SCN2A: variants seen among roughly 807,000 people sequenced by gnomAD.
SCN2A encodes sodium channel protein type 2 subunit alpha.
Under a neutral mutation model 188.7 loss-of-function variants are expected in SCN2A, and 20 were observed. The observed-to-expected ratio is 0.11, with a 90% confidence interval of 0.07 to 0.15. The LOEUF is 0.15. Among genes scored for constraint, SCN2A ranks in the 10% least tolerant of loss-of-function variants. The probability of loss-of-function intolerance (pLI) is 1.00; values close to 1 mark genes in which losing one functional copy is unlikely to be tolerated. For missense variants in SCN2A, 1,278 were observed against 2,445.0 expected, an observed-to-expected ratio of 0.52 and a Z score of 10.07; for synonymous variants, 804 against 833.1, an observed-to-expected ratio of 0.97 and a Z score of 0.60.
At chr2:165,309,899 C>G (rs1007963648) in intron 6 of SCN2A, among the ~76,000 whole-genome samples, 1 of 152,108 alleles carries the variant, frequency 6.6e-6, no homozygotes, top group African/African-American at 2.4e-5. Flanking sequence ...GCAGAATTCA[C>G]AAATATATAA....
chr2:165,351,871 G>GTTTT (rs3030633), intron 16 of SCN2A, among the ~76,000 whole-genome samples: 1 of 135,838 alleles, frequency 7.4e-6, no homozygotes. Flanking sequence ...AGCTGTGCTT[G>GTTTT]TTTTTTTTTT....
intron 21 of SCN2A, among the ~76,000 whole-genome samples, chr2:165,373,656 G>C (rs1398012254): frequency 6.6e-6 from 1 of 152,026 alleles, no homozygotes; most frequent in Non-Finnish European, 1.5e-5. Flanking sequence ...AAATGTGCAG[G>C]AAATCCTACT....
intron 17 of SCN2A, among the ~76,000 whole-genome samples, chr2:165,355,588 C>T (rs1444551712): frequency 1.3e-5 from 2 of 152,120 alleles, no homozygotes; most frequent in African/African-American, 4.8e-5. Flanking sequence ...GTTCCTTCCT[C>T]ATACGAACTG....
intron 1 of SCN2A, among the ~76,000 whole-genome samples, chr2:165,292,334 C>T (rs930504738): frequency 1.3e-5 from 2 of 152,114 alleles, no homozygotes; most frequent in Admixed American, 6.6e-5. Context: ...TTCTCCAAAT[C>T]CTTTATTTTA....
chr2:165,250,174 C>T (rs1694022671), intron 1 of SCN2A, among the ~76,000 whole-genome samples: 1 of 151,912 alleles, frequency 6.6e-6, no homozygotes, highest in Non-Finnish European at 1.5e-5. Flanking sequence ...TATCAAGCTA[C>T]CCAGTATCTA....
At chr2:165,372,287 A>G (rs928316994) in intron 20 of SCN2A, 2 of 152,168 alleles carry the variant, frequency 1.3e-5, no homozygotes, top group African/African-American at 2.4e-5. Flanking sequence ...TTCAAATTGC[A>G]TGTGCAAAAT....
intron 16 of SCN2A, among the ~76,000 whole-genome samples, chr2:165,350,067 A>G (rs1302743977): frequency 1.3e-5 from 2 of 152,190 alleles, no homozygotes; most frequent in Admixed American, 6.5e-5. Flanking sequence ...CAGGATTTTT[A>G]TGAGCCATTC....
Position 165,322,714 on chromosome 2 carries a change from C to T in SCN2A, c.1672-442C>T, listed in dbSNP as rs369658219. On this transcript the variant is annotated intron_variant, in intron 11 of 26. Coordinates refer to ENST00000375437, the MANE Select transcript of SCN2A (RefSeq NM_001040142.2). ...ATTTGCATCAGGGTGTGGTCACTAG[C>T]GAGCTCTTACTGGCTACATTTTTGA... 7.9e-5 allele frequency among the ~76,000 whole-genome samples: 12 copies of T among 152,268 alleles called. No homozygotes were observed. In the South Asian group the frequency reaches 1.9e-3, roughly 24 times the overall value.
At chr2:165,267,533 A>G (rs1294125575) in intron 1 of SCN2A, 2 of 152,138 alleles carry the variant, frequency 1.3e-5, no homozygotes, top group South Asian at 4.1e-4. Flanking sequence ...CTAAAACTGT[A>G]AAAGTACTAG....
chr2:165,300,779 G>A (rs1382712088), intron 3 of SCN2A, among the ~76,000 whole-genome samples: 1 of 152,114 alleles, frequency 6.6e-6, no homozygotes, highest in Non-Finnish European at 1.5e-5. Context: ...TCATTGTGAG[G>A]ACACCACATT....
chr2:165,295,174 CT>C (rs1170103184), intron 1 of SCN2A, among the ~76,000 whole-genome samples: 5 of 152,168 alleles, frequency 3.3e-5, no homozygotes, highest in Admixed American at 2.0e-4. Flanking sequence ...TCTTCTGCTC[CT>C]TCCCACTCCC....
chr2:165,372,943 C>A, intron 20 of SCN2A: 1 of 248,714 alleles, frequency 4.0e-6, no homozygotes, highest in Non-Finnish European at 7.8e-6. Context: ...CATTTCCTAC[C>A]AAGAATCTTG....
intron 1 of SCN2A, among the ~76,000 whole-genome samples, chr2:165,265,468 GATCTATATATATAT>G (rs1331415625): frequency 1.4e-3 from 27 of 19,780 alleles, no homozygotes; most frequent in South Asian, 4.0e-3. Context: ...TTACTCTGTT[GATCTATATATATAT>G]ATATATATAT....
At chr2:165,374,515 T>C (rs1314353366) in intron 21 of SCN2A, among the ~76,000 whole-genome samples, 170 bp from the exon 22 acceptor site, 1 of 152,138 alleles carries the variant, frequency 6.6e-6, no homozygotes, top group African/African-American at 2.4e-5. Context: ...ACTCTTCTGA[T>C]TTATAATTTT....
chr2:165,370,299 T>G lies in SCN2A; in HGVS notation c.3849T>G (p.Asp1283Glu), dbSNP rs752258602. ...GCTGGCTAGACTTCCTGATTGTTGA[T>G]GTGAGTATGCTGCACTTTGCTGCTT... ...AWCWLDFLIV[D>E]VSLVSLTANA... Residue 1283 changes from aspartate to glutamate, a missense_variant and splice_region_variant, in exon 20 of 27, where the codon GAT becomes GAG. Physicochemically the swap from Asp to Glu is conservative, Grantham distance 45. This residue lies in a region of SCN2A where 39 missense variants were observed against 130.2 expected (regional missense o/e 0.30). Transcript: ENST00000375437. The G allele has an allele frequency of 5.0e-6, 8 of 1,614,036 alleles. No individual in the cohort carries two copies. The highest frequency in any genetic ancestry group is 6.8e-6 in the Non-Finnish European group (8 of 1,180,006).
chr2:165,365,390 T>C (rs567582105), intron 18 of SCN2A, 127 bp downstream of exon 18: 1 of 1,058,962 alleles, frequency 9.4e-7, no homozygotes, highest in African/African-American at 1.6e-5. Context: ...TCTATCTATC[T>C]ATCTATCTAG....
At position 165,372,567 on chromosome 2, in the gene SCN2A, T is replaced by A. The variant is rs181685921; in HGVS notation, c.3850-658T>A. 1.4e-4 allele frequency: 21 copies of A among 152,224 alleles called. No individual in the cohort carries two copies. The East Asian group carries it at 4.1e-3, about 29-fold the overall frequency. The allele number at this position is 152,224 out of a possible 1,614,324, so 9.4% of individuals were successfully genotyped here. A position where few individuals can be genotyped will look rare whatever the true frequency, so the allele number is the denominator to read the frequency against. ...TCTTTTTAGCTAAGACTTTATAATT[T>A]TTCTCAACTACATTAGTCAACTGTA... On this transcript the variant is annotated intron_variant, in intron 20 of 26. Coordinates refer to ENST00000375437, the MANE Select transcript of SCN2A (RefSeq NM_001040142.2).
chr2:165,294,217 G>A, intron 1 of SCN2A: 1 of 593,340 alleles, frequency 1.7e-6, no homozygotes, highest in Non-Finnish European at 2.1e-6. Flanking sequence ...GGGGAAATCT[G>A]CAGAGGGACC....
intron 1 of SCN2A, chr2:165,267,174 T>G (rs997167736): frequency 3.3e-5 from 5 of 151,984 alleles, no homozygotes; most frequent in African/African-American, 4.8e-5. Flanking sequence ...AATCACAAGT[T>G]ACCCCAAACA....
Sources: allele counts gnomAD v4.1 joint callset (sites outside exome capture counted in the v4.1 genomes callset), GRCh38; gene constraint gnomAD v4.1.1; regional missense constraint gnomAD v4.1.1; transcripts MANE v1.5; gene names NCBI Gene and HGNC (gene_info 2026-07-23, HGNC 2026-07-21).